Variants in SCAPER observed in about 807,000 individuals in gnomAD.
SCAPER encodes the protein S-phase cyclin A associated protein in the ER.
Under a neutral mutation model 182.2 loss-of-function variants are expected in SCAPER, and 98 were observed. The observed-to-expected ratio is 0.54, with a 90% CI of 0.46 to 0.64. The LOEUF is 0.64. Ranked by LOEUF, SCAPER falls within the 30% of genes least tolerant of loss-of-function variation. The probability of loss-of-function intolerance (pLI) is 0.00; values close to 1 mark genes in which losing one functional copy is unlikely to be tolerated. For missense variants in SCAPER, 1,432 were observed against 1,690.0 expected, an observed-to-expected ratio of 0.85 and a Z score of 2.68; for synonymous variants, 605 against 564.6, an observed-to-expected ratio of 1.07 and a Z score of -1.01.
At chr15:76,874,484 T>C (rs1245090102) in intron 2 of SCAPER, among the ~76,000 whole-genome samples, 1 of 143,536 alleles carries the variant, frequency 7.0e-6, no homozygotes, top group Admixed American at 6.9e-5. Context: ...ACAGAAAAAT[T>C]AAAAAAAAAA....
chr15:76,445,332 C>T (rs1252806261), intron 25 of SCAPER, among the ~76,000 whole-genome samples: 3 of 152,168 alleles, frequency 2.0e-5, no homozygotes, highest in Admixed American at 6.5e-5. Flanking sequence ...AGAATTGTAA[C>T]ATCTGTTGTC....
intron 15 of SCAPER, among the ~76,000 whole-genome samples, chr15:76,741,831 G>A (rs2061555209): frequency 6.6e-6 from 1 of 152,124 alleles, no homozygotes; most frequent in African/African-American, 2.4e-5. Context: ...GAGATGGTGA[G>A]CTGATGAGTT....
chr15:76,738,343 C>T (rs2061379646), intron 15 of SCAPER, among the ~76,000 whole-genome samples: 1 of 152,128 alleles, frequency 6.6e-6, no homozygotes, highest in Non-Finnish European at 1.5e-5. Flanking sequence ...GTTGCACAGG[C>T]TCTAGCCCAG....
intron 1 of SCAPER, among the ~76,000 whole-genome samples, chr15:76,897,140 T>C (rs566998949): frequency 2.0e-5 from 3 of 152,190 alleles, no homozygotes; most frequent in Admixed American, 6.5e-5. Flanking sequence ...TCAAAGAAAG[T>C]AAATGTGAAA....
intron 22 of SCAPER, among the ~76,000 whole-genome samples, chr15:76,588,328 T>C (rs2048840040): frequency 6.6e-6 from 1 of 152,226 alleles, no homozygotes; most frequent in South Asian, 2.1e-4. Context: ...TTGTACAACA[T>C]CTTTCATCAT....
intron 4 of SCAPER, among the ~76,000 whole-genome samples, chr15:76,848,500 A>AT: frequency 6.6e-6 from 1 of 150,842 alleles, no homozygotes; most frequent in East Asian, 2.0e-4. Flanking sequence ...TACCCAGTTA[A>AT]TTTTTTTGTA....
chr15:76,513,229 A>G (rs1385977412), intron 23 of SCAPER, among the ~76,000 whole-genome samples: 1 of 152,254 alleles, frequency 6.6e-6, no homozygotes, highest in East Asian at 1.9e-4. Flanking sequence ...AAAAGAATGA[A>G]CAAGTGAAAG....
chr15:76,613,613 T>C (rs2051192733), intron 22 of SCAPER, among the ~76,000 whole-genome samples: 1 of 152,130 alleles, frequency 6.6e-6, no homozygotes, highest in Non-Finnish European at 1.5e-5. Context: ...GAACAGACAC[T>C]TTTCTAAAGA....
At position 76,495,993 on chromosome 15, in the gene SCAPER, GAC is replaced by G. The variant is rs971206080; in HGVS notation, c.2954+8864_2954+8865del. Reference sequence around the variant, plus strand: ...AAAGAGAAAGAAAGCAAAAGAGAGAGACACACACACACACACACACACACACA... The same window carrying G: ...AAAGAGAAAGAAAGCAAAAGAGAGAGACACACACACACACACACACACACA... On this transcript the variant is annotated intron_variant, in intron 24 of 31. Coordinates refer to ENST00000563290, the MANE Select transcript of SCAPER (RefSeq NM_020843.4). 6.1e-3 allele frequency among the ~76,000 whole-genome samples: 358 copies of G among 58,488 alleles called. 4 individuals carry two copies. The highest frequency in any genetic ancestry group is 0.018 in the African/African-American group (318 of 17,462). 38.4% of individuals were successfully genotyped at this position (58,488 alleles called of 152,430 possible).
chr15:76,872,768 AT>A (rs1162273880), intron 2 of SCAPER, among the ~76,000 whole-genome samples: 2 of 151,820 alleles, frequency 1.3e-5, no homozygotes, highest in African/African-American at 4.8e-5. Context: ...AAAAATATAA[AT>A]AAAAGAGTAT....
At chr15:76,735,852 G>T (rs1437329134) in intron 15 of SCAPER, among the ~76,000 whole-genome samples, 1 of 152,174 alleles carries the variant, frequency 6.6e-6, no homozygotes, top group Admixed American at 6.6e-5. Context: ...ACATACAGTA[G>T]TATGTCCTTA....
chr15:76,571,040 C>A (rs572269134), intron 23 of SCAPER, among the ~76,000 whole-genome samples: 1 of 152,108 alleles, frequency 6.6e-6, no homozygotes, highest in East Asian at 1.9e-4. Context: ...AAAGGAAAAT[C>A]GGAAAAATCT....
chr15:76,877,577 A>T (rs779028389), intron 2 of SCAPER, among the ~76,000 whole-genome samples: 1 of 152,250 alleles, frequency 6.6e-6, no homozygotes, highest in Admixed American at 6.5e-5. Flanking sequence ...ATGAATTCAC[A>T]TCATATACCT....
chr15:76,727,386 GACAA>G (rs1244544967), intron 17 of SCAPER, among the ~76,000 whole-genome samples: 1 of 152,040 alleles, frequency 6.6e-6, no homozygotes, highest in Admixed American at 6.6e-5. Flanking sequence ...TAAGGCAGAT[GACAA>G]ACAAATTCAT....
intron 28 of SCAPER, 25 bp downstream of exon 28, chr15:76,381,353 A>G (rs1479642927): frequency 3.2e-6 from 5 of 1,583,262 alleles, no homozygotes; most frequent in East Asian, 2.2e-5. Flanking sequence ...ATTGGTTAAC[A>G]TCGATATAAA....
rs145339723 is a variant in SCAPER at position 76,399,207 on chromosome 15, G to A, written c.3467+5317C>T. Among the ~76,000 whole-genome samples, 65 of 152,136 alleles carry A rather than the reference G, an allele frequency of 4.3e-4. No individual in the cohort carries two copies. The East Asian group carries it at 0.012, about 28-fold the overall frequency. ...GGCTGGAGTGCAGTGGTGCCATCTCGGCTCGCTGCAACCTCCGCCTCCTGG... is the reference window on the plus strand; with the variant it reads ...GGCTGGAGTGCAGTGGTGCCATCTCAGCTCGCTGCAACCTCCGCCTCCTGG... On this transcript the variant is annotated intron_variant, in intron 27 of 31. Coordinates refer to ENST00000563290, the MANE Select transcript of SCAPER (RefSeq NM_020843.4).
At chr15:76,423,134 T>C (rs1230656640) in intron 26 of SCAPER, among the ~76,000 whole-genome samples, 1 of 152,252 alleles carries the variant, frequency 6.6e-6, no homozygotes, top group Non-Finnish European at 1.5e-5. Flanking sequence ...GCTGGCCTCA[T>C]AAAATGAGTT....
At chr15:76,788,139 T>C (rs1265257328) in intron 8 of SCAPER, among the ~76,000 whole-genome samples, 5 of 152,064 alleles carry the variant, frequency 3.3e-5, no homozygotes, top group African/African-American at 1.2e-4. Flanking sequence ...CATATAAAAA[T>C]AGCTAAAACA....
At chr15:76,615,320 C>T (rs2051352717) in intron 22 of SCAPER, among the ~76,000 whole-genome samples, 2 of 151,922 alleles carry the variant, frequency 1.3e-5, no homozygotes, top group Admixed American at 6.6e-5. Context: ...TGGCACACTC[C>T]TGTAGTCCCA....
Sources: gnomAD v4.1 joint callset for allele counts (sites outside exome capture counted in the v4.1 genomes callset) on GRCh38, gnomAD v4.1.1 for gene constraint, MANE v1.5 for transcripts, NCBI Gene and HGNC (gene_info 2026-07-23, HGNC 2026-07-21) for gene names.